CNN3: variants seen among roughly 807,000 people sequenced by gnomAD.
CNN3 encodes calponin-3.
A neutral mutation model predicts 39.0 loss-of-function variants in CNN3; 11 were observed. That is an observed-to-expected ratio of 0.28 (90% CI 0.18 to 0.47). The LOEUF is 0.47. Ranked by LOEUF, CNN3 falls within the 20% of genes least tolerant of loss-of-function variation. The pLI is 0.99. For missense variants in CNN3, 266 were observed against 403.4 expected, an observed-to-expected ratio of 0.66 and a Z score of 2.92; for synonymous variants, 101 against 138.3, an observed-to-expected ratio of 0.73 and a Z score of 1.89.
At chr1:94,906,758 ATTATG>A (rs1671010250) in intron 1 of CNN3, among the ~76,000 whole-genome samples, 1 of 152,246 alleles carries the variant, frequency 6.6e-6, no homozygotes, top group Non-Finnish European at 1.5e-5. Context: ...GTAGAGAAAA[ATTATG>A]TTAGAGTAGT....
At chr1:94,912,621 T>C (rs561711175) in intron 1 of CNN3, among the ~76,000 whole-genome samples, 4 of 152,222 alleles carry the variant, frequency 2.6e-5, no homozygotes, top group Non-Finnish European at 5.9e-5. Flanking sequence ...TTCATCTTAG[T>C]AATCCTCATG....
At chr1:94,905,488 C>T (rs986901148) in intron 1 of CNN3, among the ~76,000 whole-genome samples, 3 of 152,154 alleles carry the variant, frequency 2.0e-5, no homozygotes, top group African/African-American at 7.2e-5. Flanking sequence ...TCTGCTTTGA[C>T]TGAGAGAGGG....
chr1:94,904,612 C>A (rs377335986), intron 1 of CNN3, among the ~76,000 whole-genome samples: 2 of 152,100 alleles, frequency 1.3e-5, no homozygotes, highest in Non-Finnish European at 2.9e-5. Context: ...CTGGGCTTGA[C>A]GATGCATGCC....
At chr1:94,911,968 A>G (rs1377162554) in intron 1 of CNN3, among the ~76,000 whole-genome samples, 2 of 152,068 alleles carry the variant, frequency 1.3e-5, no homozygotes, top group African/African-American at 2.4e-5. Flanking sequence ...CCAGCTACTG[A>G]GGCAGGAGAA....
At chr1:94,922,235 C>T (rs12087025) in intron 1 of CNN3, among the ~76,000 whole-genome samples, 114 of 152,164 alleles carry the variant, frequency 7.5e-4, no homozygotes, top group African/African-American at 2.3e-3. Flanking sequence ...GGCAACATAG[C>T]GAGATCAAAA....
At chr1:94,903,336 G>A in intron 2 of CNN3, 67 bp downstream of exon 2, 1 of 1,546,416 alleles carries the variant, frequency 6.5e-7, no homozygotes. Flanking sequence ...CTGAGAAGGA[G>A]AGTGAGAGAG....
chr1:94,918,230 T>A (rs1459798270), intron 1 of CNN3, among the ~76,000 whole-genome samples: 2 of 152,092 alleles, frequency 1.3e-5, no homozygotes, highest in Non-Finnish European at 2.9e-5. Context: ...CAGTGGCTCA[T>A]GCCTGTAATC....
At chr1:94,908,045 C>T (rs72718300) in intron 1 of CNN3, among the ~76,000 whole-genome samples, 43 of 152,250 alleles carry the variant, frequency 2.8e-4, no homozygotes, top group South Asian at 8.3e-4. Flanking sequence ...TTCTTAAACA[C>T]GCACACATTC....
chr1:94,903,655 T>A (rs859054), intron 1 of CNN3, 131 bp from the exon 2 acceptor site: 3 of 1,186,502 alleles, frequency 2.5e-6, no homozygotes, highest in Non-Finnish European at 3.5e-6. Flanking sequence ...ACTCAATAGA[T>A]CTCAATGGCA....
intron 1 of CNN3, among the ~76,000 whole-genome samples, chr1:94,920,494 GC>G (rs1363166313): frequency 6.6e-6 from 1 of 152,146 alleles, no homozygotes; most frequent in East Asian, 1.9e-4. Flanking sequence ...TGAAACCATG[GC>G]TAAAATTTAT....
chr1:94,905,156 T>G (rs950049878), intron 1 of CNN3, among the ~76,000 whole-genome samples: 3 of 152,054 alleles, frequency 2.0e-5, no homozygotes, highest in African/African-American at 4.8e-5. Context: ...AGGACAGACA[T>G]TTACGAACCT....
chr1:94,902,012 G>C (rs562213534), intron 4 of CNN3, 109 bp downstream of exon 4: 1 of 949,010 alleles, frequency 1.1e-6, no homozygotes, highest in Non-Finnish European at 1.7e-6. Context: ...AATTACAGAA[G>C]AGACAGGCCC....
intron 1 of CNN3, among the ~76,000 whole-genome samples, chr1:94,920,663 TGCA>T (rs1671420086): frequency 6.6e-6 from 1 of 152,196 alleles, no homozygotes; most frequent in South Asian, 2.1e-4. Flanking sequence ...CACAGTAAGA[TGCA>T]GAACCAGGAA....
intron 1 of CNN3, among the ~76,000 whole-genome samples, chr1:94,915,579 G>A (rs764770739): frequency 5.3e-5 from 8 of 152,206 alleles, no homozygotes; most frequent in Non-Finnish European, 8.8e-5. Context: ...TTCCATCAGA[G>A]TGCTATGCCC....
chr1:94,903,269 A>T, intron 2 of CNN3, 81 bp from the exon 3 acceptor site: 2 of 1,574,102 alleles, frequency 1.3e-6, no homozygotes, highest in East Asian at 2.3e-5. Context: ...TCCCTTTAGC[A>T]TCAGTAAGGG....
intron 1 of CNN3, among the ~76,000 whole-genome samples, chr1:94,922,764 G>A (rs748092405): frequency 4.1e-4 from 63 of 152,202 alleles, no homozygotes; most frequent in South Asian, 1.5e-3. Context: ...AGGACTTCGC[G>A]GACACTGGTC....
chr1:94,901,552 AC>A (rs10605235), intron 5 of CNN3, 116 bp downstream of exon 5: 106,274 of 586,014 alleles, frequency 0.18, 9,206 homozygotes, highest in African/African-American at 0.31. Context: ...TATAAACTAC[AC>A]CCCCCCCCCA....
At chr1:94,915,826 T>G (rs1014390855) in intron 1 of CNN3, among the ~76,000 whole-genome samples, 1 of 152,180 alleles carries the variant, frequency 6.6e-6, no homozygotes, top group Non-Finnish European at 1.5e-5. Context: ...TCAGTGGCTC[T>G]AGCATAATAA....
At chr1:94,904,130 G>A (rs1366622584) in intron 1 of CNN3, among the ~76,000 whole-genome samples, 1 of 152,084 alleles carries the variant, frequency 6.6e-6, no homozygotes, top group Admixed American at 6.5e-5. Flanking sequence ...GGCAGGAAAA[G>A]CATCTAGTTC....
Sources: allele counts gnomAD v4.1 joint callset (sites outside exome capture counted in the v4.1 genomes callset), GRCh38; gene constraint gnomAD v4.1.1; transcripts MANE v1.5; gene names NCBI Gene and HGNC (gene_info 2026-07-23, HGNC 2026-07-21).